Variants in FGF3 observed in about 807,000 individuals in gnomAD.
FGF3 encodes the protein fibroblast growth factor 3.
A neutral mutation model predicts 9.8 loss-of-function variants in FGF3; 7 were observed. The observed-to-expected ratio is 0.72, with a 90% CI of 0.41 to 1.35. The LOEUF (loss-of-function observed/expected upper bound fraction) is 1.35. Among genes scored for constraint, FGF3 ranks in the 40% most tolerant of loss-of-function variants. FGF3 has a pLI of 0.01. For synonymous variants in FGF3, 173 were observed against 157.2 expected, an observed-to-expected ratio of 1.10 and a Z score of -0.75; for missense variants, 390 against 345.6, an observed-to-expected ratio of 1.13 and a Z score of -1.02.
chr11:69,818,624 T>TC lies in FGF3; in HGVS notation c.220+89dup, dbSNP rs1412294093. 5 of 991,068 alleles carry TC rather than the reference T, an allele frequency of 5.0e-6. No individual in the cohort carries two copies. The East Asian group carries it at 1.7e-4, about 34-fold the overall frequency. 61.4% of individuals were successfully genotyped at this position (991,068 alleles called of 1,614,324 possible). On this transcript the variant is annotated intron_variant, in intron 1 of 2. Coordinates refer to ENST00000334134, the MANE Select transcript of FGF3 (RefSeq NM_005247.4). The stretch of plus-strand genomic sequence containing the variant: ...GGCCAGACCCCTCCCCGGCGCCGCC[T>TC]CCCCCGCGGGGCCCCGCAGCGCGCC...
intron 2 of FGF3, among the ~76,000 whole-genome samples, chr11:69,815,595 C>T (rs1554981014): frequency 2.0e-5 from 3 of 152,154 alleles, no homozygotes; most frequent in Admixed American, 6.5e-5. Context: ...GGATGGAAAA[C>T]CTCTCATTGC....
intron 2 of FGF3, 62 bp from the exon 3 acceptor site, chr11:69,810,762 G>A: frequency 2.1e-6 from 3 of 1,447,852 alleles, no homozygotes; most frequent in Non-Finnish European, 1.8e-6. Flanking sequence ...CAGGGCCCAG[G>A]GTTGCCTGAT....
chr11:69,814,909 C>G (rs1183101487), intron 2 of FGF3, among the ~76,000 whole-genome samples: 3 of 152,234 alleles, frequency 2.0e-5, no homozygotes, highest in South Asian at 4.1e-4. Context: ...CTCTCCAAAT[C>G]CTGGCTCCCC....
At chr11:69,816,179 T>G in intron 2 of FGF3, 141 bp downstream of exon 2, 1 of 745,870 alleles carries the variant, frequency 1.3e-6, no homozygotes, top group Non-Finnish European at 2.4e-6. Flanking sequence ...CGTGGAGCCC[T>G]GGGCCAGGGT....
At chr11:69,813,730 G>A (rs1856069529) in intron 2 of FGF3, among the ~76,000 whole-genome samples, 1 of 145,496 alleles carries the variant, frequency 6.9e-6, no homozygotes, top group Admixed American at 6.8e-5. Context: ...GTGGATGGAT[G>A]GATGGGTGGA....
At chr11:69,817,827 A>C (rs1856161295) in intron 1 of FGF3, among the ~76,000 whole-genome samples, 1 of 152,118 alleles carries the variant, frequency 6.6e-6, no homozygotes, top group Admixed American at 6.5e-5. Context: ...GAGCTCCGCT[A>C]TCCTGCTCCT....
chr11:69,812,026 G>C (rs1856038625), intron 2 of FGF3, among the ~76,000 whole-genome samples: 2 of 152,206 alleles, frequency 1.3e-5, no homozygotes, highest in African/African-American at 4.8e-5. Flanking sequence ...CTAGGCTTCA[G>C]TCCCAGCTAC....
chr11:69,813,148 C>T (rs782781104), intron 2 of FGF3, among the ~76,000 whole-genome samples: 17 of 152,282 alleles, frequency 1.1e-4, no homozygotes, highest in Admixed American at 3.9e-4. Flanking sequence ...AAGCCGACTC[C>T]GAAGCTGCTT....
rs1590966010 is a variant in FGF3 at position 69,818,912 on chromosome 11, G to C, written c.22C>G (p.Leu8Val). 15 of 1,473,118 alleles carry C rather than the reference G, an allele frequency of 1.0e-5. No homozygotes were observed. Among genetic ancestry groups the C allele is most frequent in the Non-Finnish European group, 1.2e-5 (13 of 1,118,038 alleles). The allele number at this position is 1,473,118 out of a possible 1,614,324, so 91.3% of individuals were successfully genotyped here. ...CAGCCGGGCTCCAGCAGGCTGAGCA[G>C]TAGCAGCCAGATTAGGCCCATCGTG... The part of the protein sequence containing the change: MGLIWLL[L>V]LSLLEPGWPA... The change falls in exon 1 of 3, where the codon CTG (leucine) becomes GTG (valine). Residue 8 changes from leucine to valine, a missense_variant. Transcript: ENST00000334134.
intron 2 of FGF3, among the ~76,000 whole-genome samples, chr11:69,813,490 C>T (rs1188640988): frequency 6.6e-6 from 1 of 152,102 alleles, no homozygotes; most frequent in Non-Finnish European, 1.5e-5. Flanking sequence ...GAGTGCAACA[C>T]ATGGTAAGTG....
rs1350660934 is a variant in FGF3, at chr11:69,810,614, C to T, written c.411G>A (p.Val137=). The change falls in exon 3 of 3, where the codon GTG becomes GTA. Residue 137 remains valine (V), a synonymous_variant. Transcript: ENST00000334134. Reference sequence around the variant, plus strand: ...GCCGGCGGGCCCCAGGCGTACTAGACACCGTCCGGTACAGCCGGGAGGCAT... The same window carrying T: ...GCCGGCGGGCCCCAGGCGTACTAGATACCGTCCGGTACAGCCGGGAGGCAT... ...NTYASRLYRT[V]SSTPGARRQP... 6.2e-7 allele frequency: 1 copy of T among 1,609,498 alleles called. No homozygotes were observed. Among genetic ancestry groups the T allele is most frequent in the Non-Finnish European group, 8.5e-7 (1 of 1,177,446 alleles).
rs1856195193 is a variant in FGF3 at position 69,819,055 on chromosome 11, C to T, written c.-122G>A. On this transcript the variant is annotated 5_prime_UTR_variant, in exon 1 of 3. Coordinates refer to ENST00000334134, the MANE Select transcript of FGF3 (RefSeq NM_005247.4). ...GGGATCCCGCGCCTGGAGATGCTGA[C>T]TCCGGCTTCGCGGGAAAGGTGGGGG... 3.6e-6 allele frequency: 2 copies of T among 548,954 alleles called. No individual in the cohort carries two copies. Among genetic ancestry groups the T allele is most frequent in the South Asian group, 6.3e-5 (2 of 31,786 alleles). The allele number at this position is 548,954 out of a possible 1,614,324, so 34.0% of individuals were successfully genotyped here. A position where few individuals can be genotyped will look rare whatever the true frequency, so the allele number is the denominator to read the frequency against.
intron 2 of FGF3, among the ~76,000 whole-genome samples, chr11:69,813,633 TGG>T (rs1856064870): frequency 7.2e-6 from 1 of 139,724 alleles, no homozygotes; most frequent in East Asian, 2.2e-4. Context: ...GATGGATGGA[TGG>T]ATGGGTGGAT....
rs1296941402 is a variant in FGF3, at chr11:69,818,825, C to G, written c.109G>C (p.Glu37Gln). 9 of 1,484,534 alleles carry G rather than the reference C, an allele frequency of 6.1e-6. No homozygotes were observed. The highest frequency in any genetic ancestry group is 8.0e-6 in the Non-Finnish European group (9 of 1,124,176). The allele number at this position is 1,484,534 out of a possible 1,614,324, so 92.0% of individuals were successfully genotyped here. ...CGCCGGGGCGCCCCGCCAAGGTGCT[C>G]GTAGACGCCGCCACGGCCGCCCGCA... is the stretch of plus-strand genomic sequence containing the variant. ...RDAGGRGGVY[E>Q]HLGGAPRRRK... The change falls in exon 1 of 3, where the codon GAG becomes CAG. Residue 37 changes from glutamate to glutamine, a missense_variant. Physicochemically the swap from Glu to Gln is conservative, Grantham distance 29. Transcript: ENST00000334134.
chr11:69,810,756 G>T, intron 2 of FGF3, 56 bp from the exon 3 acceptor site: 1 of 1,454,746 alleles, frequency 6.9e-7, no homozygotes, highest in East Asian at 2.5e-5. Context: ...CAGCGTCAGG[G>T]CCCAGGGTTG....
intron 2 of FGF3, among the ~76,000 whole-genome samples, chr11:69,814,004 T>A (rs1231848533): frequency 6.6e-6 from 1 of 151,442 alleles, no homozygotes; most frequent in Non-Finnish European, 1.5e-5. Flanking sequence ...CATGGACGGA[T>A]GGACATGTGA....
chr11:69,810,515 G>C lies in FGF3; in HGVS notation c.510C>G (p.Arg170=). ...KGRPRRGFKT[R]RTQKSSLFLP... is the part of the protein sequence containing the mutation. ...GGAACAGGGAGGACTTCTGTGTGCG[G>C]CGGGTCTTGAAGCCCCTGCGGGGCC... The change falls in exon 3 of 3, where the codon CGC becomes CGG. Residue 170 remains arginine, a synonymous_variant. Transcript: ENST00000334134. The C allele has an allele frequency of 6.2e-7, 1 of 1,610,108 alleles. No individual in the cohort carries two copies. The highest frequency in any genetic ancestry group is 1.7e-5 in the Admixed American group (1 of 59,636).
rs782081344 is a variant in FGF3, at chr11:69,810,491, G to A, written c.534C>T (p.Phe178=). ...CCCTGTGGTCCAGCACGCGGGGCAG[G>A]AACAGGGAGGACTTCTGTGTGCGGC... ...KTRRTQKSSL[F]LPRVLDHRDH... Residue 178 remains phenylalanine, a synonymous_variant, in exon 3 of 3, where the codon TTC becomes TTT. Coordinates refer to ENST00000334134, the MANE Select transcript of FGF3 (RefSeq NM_005247.4). 3 of 1,609,168 alleles carry A rather than the reference G, an allele frequency of 1.9e-6. No individual in the cohort carries two copies. Among genetic ancestry groups the A allele is most frequent in the East Asian group, 2.2e-5 (1 of 44,758 alleles).
At position 69,813,672 on chromosome 11, in the gene FGF3, CTGGA is replaced by C. The variant is rs1565114883; in HGVS notation, c.324+2644_324+2647del. On this transcript the variant is annotated intron_variant, in intron 2 of 2. Transcript: ENST00000334134. ...GGTGGATGGATGGATGGGTGGATGG[CTGGA>C]TGGATGGATGGGTGGATGGATGGAT... 2.7e-3 allele frequency among the ~76,000 whole-genome samples: 102 copies of C among 38,018 alleles called. 2 individuals are homozygous for C. Among genetic ancestry groups the C allele is most frequent in the African/African-American group, 0.011 (97 of 9,180 alleles). 24.9% of individuals were successfully genotyped at this position (38,018 alleles called of 152,430 possible).
Sources: allele counts gnomAD v4.1 joint callset (sites outside exome capture counted in the v4.1 genomes callset), GRCh38; gene constraint gnomAD v4.1.1; transcripts MANE v1.5; gene names NCBI Gene and HGNC (gene_info 2026-07-23, HGNC 2026-07-21).